The following RPS19 variants were observed in gnomAD, a reference collection of about 807,000 sequenced individuals.
The protein encoded by RPS19 is ribosomal protein S19, also known as small ribosomal subunit protein eS19.
A neutral mutation model predicts 20.3 loss-of-function variants in RPS19; 1 was observed. That is an observed-to-expected ratio of 0.05 (90% CI 0.02 to 0.23). The LOEUF (loss-of-function observed/expected upper bound fraction) is 0.23. Ranked by LOEUF, RPS19 falls within the 10% of genes least tolerant of loss-of-function variation. RPS19 has a pLI of 1.00. For missense variants in RPS19, 111 were observed against 192.7 expected (o/e 0.58, Z 2.51); for synonymous variants, 87 against 74.8 (o/e 1.16, Z -0.84).
intron 3 of RPS19, among the ~76,000 whole-genome samples, chr19:41,863,087 A>G (rs1375127830): frequency 6.6e-6 from 1 of 152,176 alleles, no homozygotes; most frequent in Non-Finnish European, 1.5e-5. Context: ...GCAGTGGCAC[A>G]ATTATAGCTC....
intron 3 of RPS19, among the ~76,000 whole-genome samples, chr19:41,865,363 C>CAA (rs11445219): frequency 3.8e-4 from 50 of 130,708 alleles, no homozygotes; most frequent in African/African-American, 1.0e-3. Flanking sequence ...GAGACTGTCT[C>CAA]AAAAAAAAAA....
chr19:41,862,096 T>A (rs1384522911), intron 3 of RPS19, among the ~76,000 whole-genome samples: 4 of 152,124 alleles, frequency 2.6e-5, no homozygotes, highest in Admixed American at 2.6e-4. Flanking sequence ...GGGGACTCCA[T>A]CCTGACCACA....
In RPS19 at chr19:41,869,139, G is replaced by A. The variant is rs781883244; in HGVS notation, c.281G>A (p.Arg94Gln). 14 of 1,613,836 alleles carry A rather than the reference G, an allele frequency of 8.7e-6. No individual in the cohort carries two copies. Among genetic ancestry groups the A allele is most frequent in the Middle Eastern group, 1.6e-4 (1 of 6,066 alleles). Residue 94 changes from arginine to glutamine, a missense_variant, in exon 4 of 6, where the codon CGA (arginine) becomes CAA (glutamine). Transcript: ENST00000598742. ...RNGVMPSHFS[R>Q]GSKSVARRVL... ...GGCGTCATGCCCAGCCACTTCAGCC[G>A]AGGCTCCAAGAGTGTGGCCCGCCGG...
intron 2 of RPS19, 90 bp downstream of exon 2, chr19:41,860,935 C>T: frequency 1.5e-6 from 2 of 1,303,780 alleles, no homozygotes; most frequent in Admixed American, 3.4e-5. Context: ...CCCTGGCAGG[C>T]GAGGCTTGTT....
chr19:41,871,039 T>C (rs2074144159), intron 5 of RPS19, among the ~76,000 whole-genome samples: 1 of 151,618 alleles, frequency 6.6e-6, no homozygotes, highest in Non-Finnish European at 1.5e-5. Flanking sequence ...GTTTTTATAT[T>C]TTTAGTAGAG....
intron 3 of RPS19, among the ~76,000 whole-genome samples, chr19:41,867,883 C>G (rs142593439): frequency 2.0e-5 from 3 of 152,250 alleles, no homozygotes; most frequent in South Asian, 4.1e-4. Context: ...TTTTTTTCCC[C>G]TAAATATTTT....
At chr19:41,865,640 C>T (rs554320857) in intron 3 of RPS19, among the ~76,000 whole-genome samples, 1 of 152,232 alleles carries the variant, frequency 6.6e-6, no homozygotes, top group African/African-American at 2.4e-5. Context: ...GAGTGTGTGC[C>T]TTATTCTTAA....
chr19:41,862,490 C>T (rs1173256651), intron 3 of RPS19, among the ~76,000 whole-genome samples: 8 of 150,296 alleles, frequency 5.3e-5, no homozygotes, highest in Admixed American at 5.3e-4. Flanking sequence ...CTCCACCTGT[C>T]CCCCCATCTT....
At chr19:41,869,580 A>G (rs781926292) in intron 4 of RPS19, 119 bp from the exon 5 acceptor site, 19 of 1,054,650 alleles carry the variant, frequency 1.8e-5, no homozygotes, top group Admixed American at 1.6e-4. Flanking sequence ...TAGGGCCCTC[A>G]GTGGGACTTG....
At chr19:41,869,294 A>C in intron 4 of RPS19, 80 bp downstream of exon 4, 1 of 1,326,814 alleles carries the variant, frequency 7.5e-7, no homozygotes, top group Non-Finnish European at 1.1e-6. Context: ...GGTCCTGCAT[A>C]GTCTGCCCAG....
chr19:41,869,358 A>G (rs1555841417), intron 4 of RPS19, 144 bp downstream of exon 4: 2 of 810,950 alleles, frequency 2.5e-6, no homozygotes, highest in African/African-American at 3.5e-5. Flanking sequence ...GCAGAAAAGC[A>G]AACAGCACGG....
At chr19:41,863,438 G>A (rs2074053620) in intron 3 of RPS19, among the ~76,000 whole-genome samples, 1 of 152,194 alleles carries the variant, frequency 6.6e-6, no homozygotes. Context: ...GGGAGGGCTT[G>A]GCAGGGTGGC....
At chr19:41,860,704 G>A in intron 1 of RPS19, 71 bp from the exon 2 acceptor site, 2 of 1,109,608 alleles carry the variant, frequency 1.8e-6, no homozygotes, top group Non-Finnish European at 2.8e-6. Flanking sequence ...CGAAAGGATT[G>A]GGGTGGGGTC....
Position 41,871,497 on chromosome 19 carries a change from A to G in RPS19, c.*120A>G, listed in dbSNP as rs571567332. Reference sequence around the variant, plus strand: ...AGTGGCGCCATCTCAGCTCACTGCAATCTCCGCCTTCTGGGTTCAAATGAT... The same window carrying G: ...AGTGGCGCCATCTCAGCTCACTGCAGTCTCCGCCTTCTGGGTTCAAATGAT... On this transcript the variant is annotated 3_prime_UTR_variant, in exon 6 of 6. Coordinates refer to ENST00000598742, the MANE Select transcript of RPS19 (RefSeq NM_001022.4). The G allele has an allele frequency of 1.3e-5, 11 of 834,698 alleles. No homozygotes were observed. Among genetic ancestry groups the G allele is most frequent in the African/African-American group, 1.2e-4 (7 of 58,874 alleles). 51.7% of individuals were successfully genotyped at this position (834,698 alleles called of 1,614,324 possible).
intron 2 of RPS19, 123 bp from the exon 3 acceptor site, chr19:41,860,989 T>G: frequency 9.0e-7 from 1 of 1,110,034 alleles, no homozygotes; most frequent in Non-Finnish European, 1.4e-6. Context: ...TGGCTTGTGT[T>G]CCGGTTCCAG....
chr19:41,862,557 C>CAG (rs2074043014), intron 3 of RPS19, among the ~76,000 whole-genome samples: 1 of 152,056 alleles, frequency 6.6e-6, no homozygotes, highest in African/African-American at 2.4e-5. Flanking sequence ...CTGGGATTAG[C>CAG]CTTTCTCATT....
chr19:41,869,527 G>C (rs1794728511), intron 4 of RPS19, 172 bp from the exon 5 acceptor site: 1 of 666,410 alleles, frequency 1.5e-6, no homozygotes, highest in African/African-American at 1.8e-5. Flanking sequence ...AGCTCCCAGG[G>C]GGGCTCCCAC....
chr19:41,861,005 C>T (rs1002465586), intron 2 of RPS19, 107 bp from the exon 3 acceptor site: 12 of 1,123,326 alleles, frequency 1.1e-5, no homozygotes, highest in Non-Finnish European at 1.6e-5. Context: ...TCCAGCCTCT[C>T]TTTGTACTCT....
chr19:41,871,524 C>T lies in RPS19; in HGVS notation c.*147C>T, dbSNP rs61762300. On this transcript the variant is annotated 3_prime_UTR_variant, in exon 6 of 6. Transcript: ENST00000598742. Reference sequence around the variant, plus strand: ...CTCCGCCTTCTGGGTTCAAATGATTCTCCTGCCTCAGCCTCCCAAAGTGCT... The same window carrying T: ...CTCCGCCTTCTGGGTTCAAATGATTTTCCTGCCTCAGCCTCCCAAAGTGCT... The T allele has an allele frequency of 1.4e-6, 1 of 723,400 alleles. No individual in the cohort carries two copies. Among genetic ancestry groups the T allele is most frequent in the East Asian group, 2.8e-5 (1 of 35,810 alleles). 44.8% of individuals were successfully genotyped at this position (723,400 alleles called of 1,614,324 possible).
Sources: gnomAD v4.1 joint callset for allele counts (sites outside exome capture counted in the v4.1 genomes callset) on GRCh38, gnomAD v4.1.1 for gene constraint, MANE v1.5 for transcripts, NCBI Gene and HGNC (gene_info 2026-07-23, HGNC 2026-07-21) for gene names.